ZNF626: variants seen among roughly 807,000 people sequenced by gnomAD.
The protein encoded by ZNF626 is CTC-513N18.7.
ZNF626 carries 4 observed loss-of-function variants against 11.7 expected under a neutral mutation model. The observed-to-expected ratio is 0.34, with a 90% CI of 0.17 to 0.78. ZNF626 has a LOEUF of 0.78. Ranked by LOEUF, ZNF626 falls within the 30% of genes least tolerant of loss-of-function variation. The pLI is 0.57. For missense variants in ZNF626, 588 were observed against 587.1 expected, an observed-to-expected ratio of 1.00 and a Z score of -0.01; for synonymous variants, 179 against 198.6, an observed-to-expected ratio of 0.90 and a Z score of 0.83.
chr19:20,633,573 C>T (rs1043739435), intron 3 of ZNF626, among the ~76,000 whole-genome samples: 5 of 152,150 alleles, frequency 3.3e-5, no homozygotes, highest in Admixed American at 2.0e-4. Flanking sequence ...ACTCCATTGG[C>T]GTAGGACCCT....
intron 1 of ZNF626, among the ~76,000 whole-genome samples, chr19:20,655,193 TAAAC>T (rs1555772973): frequency 6.6e-6 from 1 of 152,164 alleles, no homozygotes. Context: ...TCTGAAATAA[TAAAC>T]AGAAAGCAAG....
At chr19:20,651,559 C>A (rs373485391) in intron 1 of ZNF626, among the ~76,000 whole-genome samples, 77 of 152,218 alleles carry the variant, frequency 5.1e-4, no homozygotes, top group African/African-American at 1.7e-3. Context: ...AGGGGATGAA[C>A]AAACAGGATG....
chr19:20,621,583 C>G lies in ZNF626; in HGVS notation c.*2707G>C, dbSNP rs1403258186. On this transcript the variant is annotated 3_prime_UTR_variant, in exon 4 of 4. Transcript: ENST00000601440. ...AGAGGTGACAGATACCTTATTTACC[C>G]TAATGTAATTACTACATATTGTATG... 2.0e-5 allele frequency: 3 copies of G among 152,052 alleles called. No homozygotes were observed. The East Asian group carries it at 5.8e-4, about 29-fold the overall frequency. The allele number at this position is 152,052 out of a possible 1,614,324, so 9.4% of individuals were successfully genotyped here. A position where few individuals can be genotyped will look rare whatever the true frequency, so the allele number is the denominator to read the frequency against.
chr19:20,645,116 A>T (rs2144783278), intron 3 of ZNF626: 1 of 529,016 alleles, frequency 1.9e-6, no homozygotes, highest in East Asian at 6.2e-5. Context: ...AATTTACATG[A>T]AACTAAAATA....
intron 1 of ZNF626, among the ~76,000 whole-genome samples, chr19:20,647,778 G>A (rs888597536): frequency 3.3e-5 from 5 of 152,014 alleles, no homozygotes; most frequent in African/African-American, 9.7e-5. Context: ...GAGCCACTGC[G>A]CCCGGCCTAG....
chr19:20,660,215 G>A (rs1337315607), intron 1 of ZNF626, among the ~76,000 whole-genome samples: 1 of 134,442 alleles, frequency 7.4e-6, no homozygotes, highest in Non-Finnish European at 1.5e-5. Context: ...TTACATTCCA[G>A]CCTGGGCACC....
intron 1 of ZNF626, among the ~76,000 whole-genome samples, chr19:20,647,504 T>TTTTTGGAAGG (rs1970094123): frequency 7.0e-6 from 1 of 142,932 alleles, no homozygotes; most frequent in African/African-American, 2.9e-5. Flanking sequence ...TTTTTTTTTT[T>TTTTTGGAAGG]GAGACGGAGT....
chr19:20,624,008 C>T lies in ZNF626; in HGVS notation c.*282G>A. Reference sequence around the variant, plus strand: ...TGGTTAAAAGATTTTCCCCATTCATCACATTCACATGGTTTCTCTCCAGTA... The same window carrying T: ...TGGTTAAAAGATTTTCCCCATTCATTACATTCACATGGTTTCTCTCCAGTA... On this transcript the variant is annotated 3_prime_UTR_variant, in exon 4 of 4. Coordinates refer to ENST00000601440, the MANE Select transcript of ZNF626 (RefSeq NM_001076675.3). 1.7e-6 allele frequency: 1 copy of T among 599,592 alleles called. No individual in the cohort carries two copies. Among genetic ancestry groups the T allele is most frequent in the Non-Finnish European group, 3.0e-6 (1 of 332,214 alleles). 37.1% of individuals were successfully genotyped at this position (599,592 alleles called of 1,614,324 possible).
At chr19:20,640,252 T>TAAATA (rs368711986) in intron 3 of ZNF626, among the ~76,000 whole-genome samples, 180 of 48,026 alleles carry the variant, frequency 3.7e-3, no homozygotes, top group African/African-American at 0.029. Flanking sequence ...TAATTTTAAT[T>TAAATA]ATTAAAATTA....
intron 3 of ZNF626, among the ~76,000 whole-genome samples, chr19:20,628,146 G>A (rs10411762): frequency 0.45 from 67,998 of 151,596 alleles, 16,493 homozygotes; most frequent in African/African-American, 0.64. Context: ...TCCATGGTGT[G>A]TATGTGCCAC....
At chr19:20,632,771 G>A (rs1555770489) in intron 3 of ZNF626, among the ~76,000 whole-genome samples, 2 of 151,980 alleles carry the variant, frequency 1.3e-5, no homozygotes. Flanking sequence ...ATCATCTGAA[G>A]CCTTCTCTCA....
intron 1 of ZNF626, among the ~76,000 whole-genome samples, chr19:20,647,486 T>G (rs1212332442): frequency 1.7e-5 from 2 of 117,080 alleles, no homozygotes; most frequent in Non-Finnish European, 3.1e-5. Context: ...GGACAATGGT[T>G]TTTTTTTTTT....
chr19:20,645,436 T>C, intron 3 of ZNF626: 1 of 1,612,022 alleles, frequency 6.2e-7, no homozygotes, highest in Non-Finnish European at 8.5e-7. Context: ...ACTGTGAACT[T>C]GAAGGAAGCT....
intron 3 of ZNF626, among the ~76,000 whole-genome samples, chr19:20,637,120 C>G (rs530998161): frequency 6.8e-6 from 1 of 146,958 alleles, no homozygotes; most frequent in African/African-American, 2.5e-5. Context: ...CAAAACAAAA[C>G]AAAAAACAAA....
chr19:20,633,574 G>A (rs903818215), intron 3 of ZNF626, among the ~76,000 whole-genome samples: 5 of 152,196 alleles, frequency 3.3e-5, no homozygotes, highest in Non-Finnish European at 5.9e-5. Context: ...CTCCATTGGC[G>A]TAGGACCCTC....
In ZNF626 at chr19:20,623,908, C is replaced by A. The variant is rs1449890084; in HGVS notation, c.*382G>T. 8.8e-6 allele frequency: 3 copies of A among 342,530 alleles called. No homozygotes were observed. The highest frequency in any genetic ancestry group is 4.0e-5 in the Admixed American group (1 of 24,846). 21.2% of individuals were successfully genotyped at this position (342,530 alleles called of 1,614,324 possible). On this transcript the variant is annotated 3_prime_UTR_variant, in exon 4 of 4. Transcript: ENST00000601440. ...ATGTGTAATAAAGGTTGAGAAGTTCCTTAAAAAATCTGTCACATTCTTTAT... is the reference window on the plus strand; with the variant it reads ...ATGTGTAATAAAGGTTGAGAAGTTCATTAAAAAATCTGTCACATTCTTTAT...
chr19:20,649,813 A>G (rs1320580609), intron 1 of ZNF626, among the ~76,000 whole-genome samples: 1 of 111,156 alleles, frequency 9.0e-6, no homozygotes, highest in Admixed American at 8.2e-5. Flanking sequence ...TTCAATGCTG[A>G]TGTTGCTCCC....
chr19:20,624,308 G>A lies in ZNF626; in HGVS notation c.1569C>T (p.Thr523=), dbSNP rs782738614. The A allele has an allele frequency of 6.2e-7, 1 of 1,613,928 alleles. No homozygotes were observed. Among genetic ancestry groups the A allele is most frequent in the Non-Finnish European group, 8.5e-7 (1 of 1,179,978 alleles). ...GTATGAATTATCTTATGTGTAGTAA[G>A]GTGTGAGGACCGCTTGAAGGCTTTG... ...NVAKPSSGPH[T]LLHIR is the part of the protein sequence containing the mutation. Residue 523 remains threonine (T), a synonymous_variant, in exon 4 of 4, where the codon ACC becomes ACT. Coordinates refer to ENST00000601440, the MANE Select transcript of ZNF626 (RefSeq NM_001076675.3).
chr19:20,655,821 G>C (rs1377303431), intron 1 of ZNF626, among the ~76,000 whole-genome samples: 11 of 151,978 alleles, frequency 7.2e-5, no homozygotes, highest in African/African-American at 2.7e-4. Context: ...TGTAGTCCCA[G>C]CTACTTGGGA....
Sources: gnomAD v4.1 joint callset for allele counts (sites outside exome capture counted in the v4.1 genomes callset) on GRCh38, gnomAD v4.1.1 for gene constraint, MANE v1.5 for transcripts, NCBI Gene and HGNC (gene_info 2026-07-23, HGNC 2026-07-21) for gene names.